Variants in TMTC2 observed in about 807,000 individuals in gnomAD.
The protein encoded by TMTC2 is protein O-mannosyl-transferase TMTC2.
In TMTC2, 43 loss-of-function variants were observed where a neutral mutation model predicts 82.4. That is an observed-to-expected ratio of 0.52 (90% confidence interval 0.41 to 0.67). The LOEUF is 0.67. Among genes scored for constraint, TMTC2 ranks in the 30% least tolerant of loss-of-function variants. The pLI is 0.00. For missense variants in TMTC2, 919 were observed against 1,012.4 expected (o/e 0.91, Z 1.25); for synonymous variants, 408 against 381.9 (o/e 1.07, Z -0.80).
At chr12:82,814,796 A>T (rs1868596807) in intron 1 of TMTC2, among the ~76,000 whole-genome samples, 1 of 152,168 alleles carries the variant, frequency 6.6e-6, no homozygotes, top group African/African-American at 2.4e-5. Flanking sequence ...TTTTAGGAAG[A>T]TGAGGAATTG....
intron 10 of TMTC2, among the ~76,000 whole-genome samples, chr12:83,060,125 T>A (rs1287029528): frequency 6.6e-6 from 1 of 151,754 alleles, no homozygotes; most frequent in Non-Finnish European, 1.5e-5. Context: ...GAAATTGAGC[T>A]TTAACATTTA....
In TMTC2 at chr12:83,030,841, A is replaced by G. The variant is rs1211108377; in HGVS notation, c.2114A>G (p.Glu705Gly). ...EAEKLFLKAI[E>G]LDPTKGNCYM... is the part of the protein sequence containing the mutation. The stretch of plus-strand genomic sequence containing the variant: ...GAAAAGCTCTTCTTGAAGGCTATTG[A>G]GCTGGATCCCACCAAAGGAAACTGT... Residue 705 changes from glutamate (E) to glycine (G), a missense_variant, in exon 9 of 12, where the codon GAG (glutamate) becomes GGG (glycine). Transcript: ENST00000321196. 2 of 1,613,732 alleles carry G rather than the reference A, an allele frequency of 1.2e-6. No individual in the cohort carries two copies. The highest frequency in any genetic ancestry group is 1.7e-6 in the Non-Finnish European group (2 of 1,179,736).
At chr12:83,085,694 A>G (rs1883628276) in intron 11 of TMTC2, among the ~76,000 whole-genome samples, 1 of 152,228 alleles carries the variant, frequency 6.6e-6, no homozygotes, top group Admixed American at 6.5e-5. Flanking sequence ...TGGAAATAAT[A>G]GGGTGAATTT....
intron 1 of TMTC2, among the ~76,000 whole-genome samples, chr12:82,752,001 G>T (rs1234800464): frequency 6.6e-6 from 1 of 152,024 alleles, no homozygotes; most frequent in Non-Finnish European, 1.5e-5. Context: ...GTGTTTAAAC[G>T]CATTGACATT....
At chr12:82,876,056 G>GGTGGTA (rs1565788712) in intron 2 of TMTC2, among the ~76,000 whole-genome samples, 1 of 136,978 alleles carries the variant, frequency 7.3e-6, no homozygotes, top group East Asian at 2.1e-4. Context: ...TGGTGGTGGT[G>GGTGGTA]GTGGTGGTGG....
intron 1 of TMTC2, among the ~76,000 whole-genome samples, chr12:82,757,660 G>A (rs892688707): frequency 2.0e-5 from 3 of 152,092 alleles, no homozygotes; most frequent in African/African-American, 7.2e-5. Flanking sequence ...ATTTCTCTCT[G>A]CTTAATGCTA....
intron 1 of TMTC2, among the ~76,000 whole-genome samples, chr12:82,805,666 C>T (rs1435230795): frequency 6.6e-6 from 1 of 151,886 alleles, no homozygotes; most frequent in Admixed American, 6.6e-5. Context: ...TGGCACCACG[C>T]CCGGCTTTTT....
At chr12:82,981,391 G>T (rs1365557190) in intron 7 of TMTC2, among the ~76,000 whole-genome samples, 2 of 151,704 alleles carry the variant, frequency 1.3e-5, no homozygotes, top group African/African-American at 4.8e-5. Flanking sequence ...TTTAGACCTG[G>T]GGCTTTTTAG....
chr12:83,056,087 C>CA (rs1202233895), intron 10 of TMTC2, among the ~76,000 whole-genome samples: 1 of 151,884 alleles, frequency 6.6e-6, no homozygotes, highest in Non-Finnish European at 1.5e-5. Flanking sequence ...TACAGAGTAA[C>CA]AGATTGTGGA....
intron 1 of TMTC2, among the ~76,000 whole-genome samples, chr12:82,693,748 T>A (rs1872674860): frequency 6.6e-6 from 1 of 151,990 alleles, no homozygotes; most frequent in African/African-American, 2.4e-5. Flanking sequence ...GGCGGGTGGA[T>A]CACGAGTTCA....
rs1871327130 is a variant in TMTC2 at position 82,857,595 on chromosome 12, G to A, written c.654+15G>A. The A allele has an allele frequency of 1.3e-6, 2 of 1,580,060 alleles. No individual in the cohort carries two copies. Among genetic ancestry groups the A allele is most frequent in the Admixed American group, 1.8e-5 (1 of 57,010 alleles). ...CCATTTACAAAGTAAGTGATTGTTG[G>A]CTCTTGAGCATTGGATTACTGAGTA... On this transcript the variant is annotated intron_variant, in intron 2 of 11. Coordinates refer to ENST00000321196, the MANE Select transcript of TMTC2 (RefSeq NM_152588.3).
chr12:82,905,709 C>T (rs1874255146), intron 3 of TMTC2, among the ~76,000 whole-genome samples: 2 of 152,096 alleles, frequency 1.3e-5, no homozygotes, highest in South Asian at 4.1e-4. Context: ...CTTTGGGAGG[C>T]CGAGGCGGGC....
At chr12:82,896,942 A>G (rs886890976) in intron 3 of TMTC2, among the ~76,000 whole-genome samples, 20 of 152,222 alleles carry the variant, frequency 1.3e-4, no homozygotes, top group Middle Eastern at 3.2e-3. Context: ...AATTTAGAAA[A>G]GAGCTTGGTT....
At chr12:82,688,536 G>A (rs1035989883) in intron 1 of TMTC2, among the ~76,000 whole-genome samples, 1 of 152,146 alleles carries the variant, frequency 6.6e-6, no homozygotes, top group African/African-American at 2.4e-5. Context: ...GTGATGAAAA[G>A]CCCCTATATC....
chr12:82,927,845 G>T (rs867229982), intron 3 of TMTC2, among the ~76,000 whole-genome samples: 2 of 152,160 alleles, frequency 1.3e-5, no homozygotes, highest in South Asian at 2.1e-4. Flanking sequence ...TTTAATTAAG[G>T]TATACCATTA....
In TMTC2 at chr12:82,997,354, A is replaced by ATATATATATGTG. The variant is rs1565845040; in HGVS notation, c.2070+11317_2070+11318insGTGTATATATAT. Among the ~76,000 whole-genome samples the ATATATATATGTG allele has an allele frequency of 1.7e-3, 48 of 28,898 alleles. 4 individuals are homozygous for ATATATATATGTG. Among genetic ancestry groups the ATATATATATGTG allele is most frequent in the East Asian group, 4.5e-3 (8 of 1,774 alleles). 19.0% of individuals were successfully genotyped at this position (28,898 alleles called of 152,430 possible). A position where few individuals can be genotyped will look rare whatever the true frequency, so the allele number is the denominator to read the frequency against. On this transcript the variant is annotated intron_variant, in intron 8 of 11. Coordinates refer to ENST00000321196, the MANE Select transcript of TMTC2 (RefSeq NM_152588.3). ...TGTGTGTGTGTGTGTGTGTGTATAT[A>ATATATATATGTG]TATATATATATGTGTATATATATAT...
At chr12:82,747,936 C>A (rs988873912) in intron 1 of TMTC2, among the ~76,000 whole-genome samples, 2 of 152,102 alleles carry the variant, frequency 1.3e-5, no homozygotes, top group Non-Finnish European at 1.5e-5. Context: ...GTAATATAAC[C>A]AAAAGAAAAT....
At chr12:82,815,725 A>T (rs1225064891) in intron 1 of TMTC2, among the ~76,000 whole-genome samples, 1 of 152,076 alleles carries the variant, frequency 6.6e-6, no homozygotes, top group Non-Finnish European at 1.5e-5. Context: ...CCAAAACATT[A>T]ACTGTCCAGT....
chr12:83,090,787 G>T (rs913748095), intron 11 of TMTC2, among the ~76,000 whole-genome samples: 1 of 152,026 alleles, frequency 6.6e-6, no homozygotes, highest in Non-Finnish European at 1.5e-5. Context: ...TCACTCTCCT[G>T]AATTAAGTTC....
Sources: gnomAD v4.1 joint callset for allele counts (sites outside exome capture counted in the v4.1 genomes callset) on GRCh38, gnomAD v4.1.1 for gene constraint, MANE v1.5 for transcripts, NCBI Gene and HGNC (gene_info 2026-07-23, HGNC 2026-07-21) for gene names.